DISC1: variants seen among roughly 807,000 people sequenced by gnomAD.
DISC1 encodes the protein disrupted in schizophrenia 1 protein.
DISC1 carries 57 observed loss-of-function variants against 84.5 expected under a neutral mutation model. The observed-to-expected ratio is 0.67, with a 90% CI of 0.55 to 0.84. The LOEUF is 0.84. Among genes scored for constraint, DISC1 ranks in the 40% least tolerant of loss-of-function variants. The probability of loss-of-function intolerance (pLI) is 0.00; values close to 1 mark genes in which losing one functional copy is unlikely to be tolerated. For synonymous variants in DISC1, 411 were observed against 415.2 expected (o/e 0.99, Z 0.12); for missense variants, 1,000 against 1,057.8 (o/e 0.95, Z 0.76).
At chr1:232,001,965 A>T (rs965463401) in intron 10 of DISC1, among the ~76,000 whole-genome samples, 1 of 152,222 alleles carries the variant, frequency 6.6e-6, no homozygotes, top group Non-Finnish European at 1.5e-5. Flanking sequence ...TGACTGGGAG[A>T]CATGTTTGTA....
intron 1 of DISC1, among the ~76,000 whole-genome samples, chr1:231,690,347 G>T (rs985745185): frequency 2.6e-5 from 4 of 152,172 alleles, no homozygotes. Flanking sequence ...CTGCTCAGTC[G>T]TTCGTTCCTG....
At chr1:231,660,157 C>T (rs572961648) in intron 1 of DISC1, among the ~76,000 whole-genome samples, 141 of 152,134 alleles carry the variant, frequency 9.3e-4, no homozygotes, top group African/African-American at 3.2e-3. Context: ...TCTGGGTGCT[C>T]CTATATTGGA....
intron 3 of DISC1, among the ~76,000 whole-genome samples, chr1:231,733,637 T>A (rs2071976691): frequency 2.0e-5 from 3 of 149,388 alleles, no homozygotes. Context: ...GTTGTGGCAG[T>A]GCTGGTGATG....
Position 232,036,972 on chromosome 1 carries a change from A to G in DISC1, c.*141A>G. 1.1e-6 allele frequency: 1 copy of G among 909,034 alleles called. No homozygotes were observed. Among genetic ancestry groups the G allele is most frequent in the Non-Finnish European group, 1.5e-6 (1 of 654,876 alleles). The allele number at this position is 909,034 out of a possible 1,614,324, so 56.3% of individuals were successfully genotyped here. A position where few individuals can be genotyped will look rare whatever the true frequency, so the allele number is the denominator to read the frequency against. ...AGGTCTTTCAGTGGAAAGGTGGTTC[A>G]TGTTCATTCTCATCAGTGTGAAACT... On this transcript the variant is annotated 3_prime_UTR_variant, in exon 13 of 13. Coordinates refer to ENST00000439617, the MANE Select transcript of DISC1 (RefSeq NM_018662.3).
intron 1 of DISC1, among the ~76,000 whole-genome samples, chr1:231,659,861 T>G (rs2061430155): frequency 6.6e-6 from 1 of 152,188 alleles, no homozygotes; most frequent in African/African-American, 2.4e-5. Flanking sequence ...TTCAGCTCTT[T>G]TGCATTTGCT....
At chr1:231,673,955 TA>T (rs1364745823) in intron 1 of DISC1, among the ~76,000 whole-genome samples, 1 of 152,212 alleles carries the variant, frequency 6.6e-6, no homozygotes, top group African/African-American at 2.4e-5. Flanking sequence ...GACTCTCGTA[TA>T]AAAAGCCAGT....
intron 1 of DISC1, among the ~76,000 whole-genome samples, chr1:231,665,659 T>C (rs898003243): frequency 1.3e-5 from 2 of 152,366 alleles, no homozygotes. Context: ...TATGTGTTAA[T>C]TGACCTTTTC....
intron 8 of DISC1, among the ~76,000 whole-genome samples, chr1:231,809,250 G>A (rs2080035841): frequency 6.6e-6 from 1 of 152,108 alleles, no homozygotes; most frequent in Non-Finnish European, 1.5e-5. Flanking sequence ...GATTCTAATT[G>A]CCTTAGAATT....
intron 10 of DISC1, among the ~76,000 whole-genome samples, chr1:231,992,570 A>G (rs189355160): frequency 3.7e-4 from 56 of 152,270 alleles, no homozygotes; most frequent in Admixed American, 3.5e-3. Flanking sequence ...GTTTGCTTAG[A>G]AAGTTTTTCC....
chr1:232,011,236 A>G (rs1667993147), intron 11 of DISC1, among the ~76,000 whole-genome samples: 1 of 152,138 alleles, frequency 6.6e-6, no homozygotes, highest in Non-Finnish European at 1.5e-5. Context: ...AAAAATAGGA[A>G]GCTTGGGGTC....
chr1:231,897,027 C>T lies in DISC1; in HGVS notation c.1982-61801C>T, dbSNP rs2087747098. ...GGATCTAGAAACATACATGATCAGA[C>T]ACGTGAACCCACGGGGCCAACACCA... On this transcript the variant is annotated intron_variant, in intron 9 of 12. Coordinates refer to ENST00000439617, the MANE Select transcript of DISC1 (RefSeq NM_018662.3). This position sits in a 1 kb window ranked among gnomAD's most constrained non-coding sequence, Gnocchi z 4.5. Among the ~76,000 whole-genome samples, 1 of 152,176 alleles carries T rather than the reference C, an allele frequency of 6.6e-6. No individual in the cohort carries two copies. Among genetic ancestry groups the T allele is most frequent in the Non-Finnish European group, 1.5e-5 (1 of 68,036 alleles).
chr1:231,981,759 C>T (rs977376955), intron 10 of DISC1, among the ~76,000 whole-genome samples: 5 of 152,058 alleles, frequency 3.3e-5, no homozygotes, highest in Non-Finnish European at 7.4e-5. Context: ...GAGTGAAGGC[C>T]GCAGAACAAG....
chr1:231,772,371 G>GC (rs2125465001), intron 6 of DISC1, among the ~76,000 whole-genome samples: 1 of 152,220 alleles, frequency 6.6e-6, no homozygotes, highest in South Asian at 2.1e-4. Context: ...AGTAAGGACT[G>GC]CAAGTGCTAC....
At chr1:231,766,303 A>AC (rs1485209316) in intron 4 of DISC1, among the ~76,000 whole-genome samples, 1 of 150,504 alleles carries the variant, frequency 6.6e-6, no homozygotes, top group African/African-American at 2.4e-5. Context: ...AAAAAAAAAA[A>AC]AAAACAAAAT....
At chr1:231,665,040 A>G (rs1253307265) in intron 1 of DISC1, among the ~76,000 whole-genome samples, 1 of 152,244 alleles carries the variant, frequency 6.6e-6, no homozygotes, top group Non-Finnish European at 1.5e-5. Flanking sequence ...GTATGCAAAC[A>G]GAGTGTACAT....
chr1:231,683,797 G>A (rs1006354276), intron 1 of DISC1, among the ~76,000 whole-genome samples: 2 of 151,522 alleles, frequency 1.3e-5, no homozygotes, highest in Non-Finnish European at 2.9e-5. Context: ...TGTCCTCTCG[G>A]TCCCCACCTG....
chr1:231,741,755 A>C (rs1233533413), intron 3 of DISC1, among the ~76,000 whole-genome samples: 1 of 152,208 alleles, frequency 6.6e-6, no homozygotes, highest in Non-Finnish European at 1.5e-5. Context: ...TGGGAACAGC[A>C]GATTCTCCTG....
At chr1:231,917,785 T>C (rs542992458) in intron 9 of DISC1, among the ~76,000 whole-genome samples, 1 of 152,382 alleles carries the variant, frequency 6.6e-6, no homozygotes, top group East Asian at 1.9e-4. Context: ...ACATGGACTA[T>C]AATCTAGCCT....
intron 11 of DISC1, among the ~76,000 whole-genome samples, chr1:232,013,616 G>T (rs1050251395): frequency 8.5e-5 from 13 of 152,194 alleles, no homozygotes; most frequent in African/African-American, 3.1e-4. Flanking sequence ...TTTATGCTCA[G>T]ATTTAATGCA....
Sources: gnomAD v4.1 joint callset for allele counts (sites outside exome capture counted in the v4.1 genomes callset) on GRCh38, gnomAD v4.1.1 for gene constraint, Gnocchi (gnomAD v3.1) non-coding constraint, MANE v1.5 for transcripts, NCBI Gene and HGNC (gene_info 2026-07-23, HGNC 2026-07-21) for gene names.